Variants in ATF6 observed in about 807,000 individuals in gnomAD.
The protein encoded by ATF6 is cyclic AMP-dependent transcription factor ATF-6 alpha.
A neutral mutation model predicts 83.6 loss-of-function variants in ATF6; 53 were observed. The ratio of observed to expected loss-of-function variants is 0.63; its 90% confidence interval spans 0.51 to 0.80. The LOEUF (loss-of-function observed/expected upper bound fraction) is 0.80. Among genes scored for constraint, ATF6 ranks in the 30% least tolerant of loss-of-function variants. The pLI is 0.00. For synonymous variants in ATF6, 288 were observed against 285.8 expected, an observed-to-expected ratio of 1.01 and a Z score of -0.08; for missense variants, 744 against 797.9, an observed-to-expected ratio of 0.93 and a Z score of 0.81.
At chr1:161,812,387 T>C (rs1480624821) in intron 7 of ATF6, among the ~76,000 whole-genome samples, 14 of 103,328 alleles carry the variant, frequency 1.4e-4, no homozygotes, top group African/African-American at 3.0e-4. Context: ...TTTTTTTTTT[T>C]TTTTTTTTTT....
In ATF6 at chr1:161,946,831, C is replaced by T. The variant is rs770730199; in HGVS notation, c.1805-11615C>T. ...ACAAATGAAAGCAAAAAACTTCTCG[C>T]CCCTGAACTCCATCCCTGGCTGTTA... On this transcript the variant is annotated intron_variant, in intron 15 of 15. Transcript: ENST00000367942. Among the ~76,000 whole-genome samples, 5 of 152,294 alleles carry T rather than the reference C, an allele frequency of 3.3e-5. No individual in the cohort carries two copies. The East Asian group carries it at 9.6e-4, about 29-fold the overall frequency.
chr1:161,816,236 C>A (rs1246205655), intron 7 of ATF6, among the ~76,000 whole-genome samples: 1 of 152,204 alleles, frequency 6.6e-6, no homozygotes, highest in Non-Finnish European at 1.5e-5. Context: ...AGAAGCAGGA[C>A]CTGGCCAGCT....
chr1:161,828,090 G>A (rs1358295419), intron 9 of ATF6, among the ~76,000 whole-genome samples: 1 of 151,978 alleles, frequency 6.6e-6, no homozygotes, highest in African/African-American at 2.4e-5. Context: ...TTTTATTGTT[G>A]AGAACCTGAA....
intron 9 of ATF6, among the ~76,000 whole-genome samples, chr1:161,823,443 C>G (rs929863346): frequency 6.6e-6 from 1 of 151,944 alleles, no homozygotes; most frequent in Non-Finnish European, 1.5e-5. Context: ...TGTTGCAATC[C>G]AAAATTTTGA....
intron 15 of ATF6, among the ~76,000 whole-genome samples, chr1:161,951,584 G>A (rs1318936230): frequency 6.6e-6 from 1 of 152,020 alleles, no homozygotes; most frequent in Admixed American, 6.6e-5. Flanking sequence ...GTCTAGTAGG[G>A]GTGACACACA....
intron 14 of ATF6, 62 bp downstream of exon 14, chr1:161,863,374 G>A: frequency 3.8e-6 from 4 of 1,063,108 alleles, no homozygotes; most frequent in East Asian, 2.4e-5. Flanking sequence ...ACAAGACATT[G>A]GGCTGAATAT....
At chr1:161,825,566 C>T (rs1197176216) in intron 9 of ATF6, among the ~76,000 whole-genome samples, 1 of 152,126 alleles carries the variant, frequency 6.6e-6, no homozygotes, top group African/African-American at 2.4e-5. Context: ...ACTCTATTTA[C>T]TATTACTGGT....
chr1:161,938,952 T>G (rs1395224953), intron 15 of ATF6, among the ~76,000 whole-genome samples: 3 of 152,216 alleles, frequency 2.0e-5, no homozygotes, highest in African/African-American at 7.2e-5. Context: ...GTGATCCTCT[T>G]TAGCAGAACT....
At chr1:161,892,664 C>G (rs1366752490) in intron 14 of ATF6, among the ~76,000 whole-genome samples, 4 of 139,760 alleles carry the variant, frequency 2.9e-5, no homozygotes, top group Non-Finnish European at 4.5e-5. Context: ...GAGTCGCGCT[C>G]TGTCATCCAG....
chr1:161,778,828 G>A (rs183334265), intron 2 of ATF6, among the ~76,000 whole-genome samples: 3 of 152,210 alleles, frequency 2.0e-5, no homozygotes, highest in African/African-American at 7.2e-5. Context: ...CTGAGTCCCC[G>A]AGAATATCTT....
chr1:161,784,611 C>T (rs192019101), intron 4 of ATF6, among the ~76,000 whole-genome samples: 5 of 151,920 alleles, frequency 3.3e-5, no homozygotes, highest in East Asian at 1.9e-4. Context: ...GCCCTGAGGC[C>T]AGGAAAAGGA....
At chr1:161,913,732 T>C (rs1438402578) in intron 15 of ATF6, among the ~76,000 whole-genome samples, 1 of 152,208 alleles carries the variant, frequency 6.6e-6, no homozygotes, top group African/African-American at 2.4e-5. Flanking sequence ...CCAAAGAATG[T>C]ATTTAGGAAG....
chr1:161,813,735 ATTTAT>A (rs930784321), intron 7 of ATF6, among the ~76,000 whole-genome samples: 1 of 152,012 alleles, frequency 6.6e-6, no homozygotes, highest in African/African-American at 2.4e-5. Context: ...AGGTGACGTG[ATTTAT>A]TTTTATTTTT....
At position 161,817,444 on chromosome 1, in the gene ATF6, C is replaced by T. The variant is rs112380902; in HGVS notation, c.910-2189C>T. 2.8e-3 allele frequency among the ~76,000 whole-genome samples: 426 copies of T among 152,144 alleles called. 3 individuals are homozygous for T. Among genetic ancestry groups the T allele is most frequent in the African/African-American group, 9.5e-3 (396 of 41,504 alleles). On this transcript the variant is annotated intron_variant, in intron 7 of 15. Transcript: ENST00000367942. Reference sequence around the variant, plus strand: ...GTAGACTGAACAAAGTGGCAATGTCCGGAGAATAGTTTGCATTTGGTGAAT... The same window carrying T: ...GTAGACTGAACAAAGTGGCAATGTCTGGAGAATAGTTTGCATTTGGTGAAT...
chr1:161,913,754 C>T (rs1250345979), intron 15 of ATF6, among the ~76,000 whole-genome samples: 1 of 152,172 alleles, frequency 6.6e-6, no homozygotes, highest in Non-Finnish European at 1.5e-5. Flanking sequence ...CTCACTTATA[C>T]TCAATCTATA....
At position 161,798,194 on chromosome 1, in the gene ATF6, A is replaced by T. The variant is rs181304564; in HGVS notation, c.689-3858A>T. The stretch of plus-strand genomic sequence containing the variant: ...ATGAAAGACTTAAATGTACAGGCTC[A>T]AATTATAAAAACCCTAGAAGAAAAC... On this transcript the variant is annotated intron_variant, in intron 6 of 15. Coordinates refer to ENST00000367942, the MANE Select transcript of ATF6 (RefSeq NM_007348.4). 2.5e-3 allele frequency among the ~76,000 whole-genome samples: 385 copies of T among 152,360 alleles called. 2 individuals are homozygous for T. The highest frequency in any genetic ancestry group is 4.5e-3 in the Non-Finnish European group (308 of 68,032).
At chr1:161,853,455 C>T (rs756909933) in intron 12 of ATF6, 132 bp downstream of exon 12, 15 of 696,798 alleles carry the variant, frequency 2.2e-5, no homozygotes, top group East Asian at 1.1e-4. Flanking sequence ...CTGCTGCTTC[C>T]GATGCAGCTA....
intron 14 of ATF6, among the ~76,000 whole-genome samples, chr1:161,892,917 C>A (rs560504530): frequency 6.6e-6 from 1 of 152,076 alleles, no homozygotes; most frequent in South Asian, 2.1e-4. Context: ...GGATTACAGG[C>A]GTGAGCCACC....
intron 7 of ATF6, among the ~76,000 whole-genome samples, chr1:161,815,944 AAT>A (rs1197993611): frequency 6.6e-6 from 1 of 152,192 alleles, no homozygotes; most frequent in Non-Finnish European, 1.5e-5. Flanking sequence ...TTTCTCAAAA[AAT>A]TAAATTAAAT....
Sources: allele counts gnomAD v4.1 joint callset (sites outside exome capture counted in the v4.1 genomes callset), GRCh38; gene constraint gnomAD v4.1.1; transcripts MANE v1.5; gene names NCBI Gene and HGNC (gene_info 2026-07-23, HGNC 2026-07-21).